Variants in IRAG1 observed in about 807,000 individuals in gnomAD.
IRAG1 encodes the protein inositol 1,4,5-triphosphate receptor associated 1, also known as IP3R-associated cGMP kinase substrate.
In IRAG1, 62 loss-of-function variants were observed where a neutral mutation model predicts 106.2. That is an observed-to-expected ratio of 0.58 (90% CI 0.48 to 0.72). The LOEUF is 0.72. Ranked by LOEUF, IRAG1 falls within the 30% of genes least tolerant of loss-of-function variation. The pLI, the probability that IRAG1 is intolerant of heterozygous loss-of-function variation, is 0.00. For synonymous variants in IRAG1, 462 were observed against 443.9 expected (o/e 1.04, Z -0.51); for missense variants, 1,064 against 1,140.7 (o/e 0.93, Z 0.97).
intron 1 of IRAG1, among the ~76,000 whole-genome samples, chr11:10,672,094 G>C (rs535940654): frequency 6.6e-6 from 1 of 152,196 alleles, no homozygotes; most frequent in Non-Finnish European, 1.5e-5. Flanking sequence ...AAGACAATTC[G>C]ATGGGGAAAG....
intron 4 of IRAG1, among the ~76,000 whole-genome samples, chr11:10,631,339 A>C (rs1207796656): frequency 6.6e-6 from 1 of 152,124 alleles, no homozygotes; most frequent in Non-Finnish European, 1.5e-5. Context: ...TTCCCCCTGG[A>C]ATGCCTTTCC....
intron 1 of IRAG1, among the ~76,000 whole-genome samples, chr11:10,668,893 G>A (rs893746200): frequency 4.6e-5 from 7 of 152,208 alleles, no homozygotes; most frequent in African/African-American, 1.7e-4. Flanking sequence ...AGTGCCAGCA[G>A]ACCTGGCTCT....
intron 2 of IRAG1, among the ~76,000 whole-genome samples, chr11:10,634,785 G>A (rs1280934423): frequency 2.1e-5 from 3 of 145,376 alleles, no homozygotes; most frequent in Non-Finnish European, 3.0e-5. Flanking sequence ...GTGTGTGTGT[G>A]TATACAGACA....
At chr11:10,627,683 A>C in intron 8 of IRAG1, 33 bp downstream of exon 8, 1 of 1,613,678 alleles carries the variant, frequency 6.2e-7, no homozygotes, top group Non-Finnish European at 8.5e-7. Flanking sequence ...CCCCACACTC[A>C]AATCATCCAA....
At chr11:10,626,889 G>A (rs1030177236) in intron 8 of IRAG1, among the ~76,000 whole-genome samples, 1 of 152,220 alleles carries the variant, frequency 6.6e-6, no homozygotes, top group African/African-American at 2.4e-5. Flanking sequence ...TAGCCTTGGT[G>A]CTGCTTAGCA....
chr11:10,617,717 C>A (rs1855537595), intron 10 of IRAG1, among the ~76,000 whole-genome samples: 1 of 152,146 alleles, frequency 6.6e-6, no homozygotes, highest in Admixed American at 6.5e-5. Context: ...CAATTCATCA[C>A]CCTCACAACC....
intron 15 of IRAG1, among the ~76,000 whole-genome samples, chr11:10,599,480 C>T (rs780435098): frequency 5.9e-5 from 9 of 152,086 alleles, no homozygotes; most frequent in Non-Finnish European, 7.4e-5. Context: ...GGTTAGAGGC[C>T]TAGGTGCATG....
chr11:10,691,306 G>A (rs1274132431), intron 1 of IRAG1, among the ~76,000 whole-genome samples: 1 of 152,256 alleles, frequency 6.6e-6, no homozygotes, highest in Non-Finnish European at 1.5e-5. Context: ...AACGGGTGAG[G>A]AACGGGATAA....
At chr11:10,618,568 T>A (rs144677798) in intron 10 of IRAG1, among the ~76,000 whole-genome samples, 1 of 152,152 alleles carries the variant, frequency 6.6e-6, no homozygotes, top group African/African-American at 2.4e-5. Flanking sequence ...CACTGAGAGA[T>A]TTTACAAAGG....
chr11:10,616,531 C>CA (rs940211498), intron 10 of IRAG1, among the ~76,000 whole-genome samples: 5 of 151,606 alleles, frequency 3.3e-5, no homozygotes, highest in African/African-American at 7.3e-5. Flanking sequence ...AAACAAAAAA[C>CA]AAAAAACAAA....
chr11:10,640,667 G>A (rs535441207), intron 2 of IRAG1, among the ~76,000 whole-genome samples: 1 of 152,268 alleles, frequency 6.6e-6, no homozygotes, highest in African/African-American at 2.4e-5. Flanking sequence ...GTGCACACAC[G>A]CATCCCTGCT....
intron 15 of IRAG1, among the ~76,000 whole-genome samples, chr11:10,600,394 ATC>A (rs1853858349): frequency 6.6e-6 from 1 of 152,158 alleles, no homozygotes; most frequent in East Asian, 1.9e-4. Flanking sequence ...TTGCAAGAAC[ATC>A]TTCATGGGGT....
chr11:10,677,813 C>T (rs1304977252), intron 1 of IRAG1, among the ~76,000 whole-genome samples: 14 of 152,158 alleles, frequency 9.2e-5, no homozygotes, highest in South Asian at 8.3e-4. Context: ...CTGCCAACCA[C>T]GAATCTGCTT....
Position 10,626,449 on chromosome 11 carries a change from G to A in IRAG1, c.885C>T (p.Pro295=), listed in dbSNP as rs777614842. 3 of 1,613,684 alleles carry A rather than the reference G, an allele frequency of 1.9e-6. No homozygotes were observed. Among genetic ancestry groups the A allele is most frequent in the African/African-American group, 2.7e-5 (2 of 74,872 alleles). ...IAIEQKENFD[P]LQYPETTPKG... ...TGGGTGTGGTCTCGGGGTACTGGAGGGGATCGAAGTTTTCCTTTTGTTCTA... is the reference window on the plus strand; with the variant it reads ...TGGGTGTGGTCTCGGGGTACTGGAGAGGATCGAAGTTTTCCTTTTGTTCTA... Residue 295 remains proline (P), a synonymous_variant, in exon 9 of 21, where the codon CCC becomes CCT. Coordinates refer to ENST00000423302, the MANE Select transcript of IRAG1 (RefSeq NM_130385.4).
rs779452395 is a variant in IRAG1 at position 10,647,219 on chromosome 11, A to G, written c.225+4806T>C. Among the ~76,000 whole-genome samples the G allele has an allele frequency of 1.3e-5, 2 of 152,178 alleles. No individual in the cohort carries two copies. Among genetic ancestry groups the G allele is most frequent in the Non-Finnish European group, 2.9e-5 (2 of 68,034 alleles). On this transcript the variant is annotated intron_variant, in intron 2 of 20. Coordinates refer to ENST00000423302, the MANE Select transcript of IRAG1 (RefSeq NM_130385.4). The surrounding 1 kb of genome is among the most constrained non-coding windows in gnomAD (Gnocchi z 4.3). ...TGCTCAGTGCGGGTATGGACTAAGC[A>G]TGGGCTTTGGGGTCAGGCTGCCTGG...
intron 2 of IRAG1, among the ~76,000 whole-genome samples, chr11:10,640,743 T>G (rs1327028453): frequency 6.6e-6 from 1 of 152,120 alleles, no homozygotes; most frequent in Non-Finnish European, 1.5e-5. Context: ...TAAGACCAAA[T>G]AGCGTTGGCC....
intron 1 of IRAG1, among the ~76,000 whole-genome samples, chr11:10,672,980 C>T (rs1463055858): frequency 2.0e-5 from 3 of 152,072 alleles, no homozygotes; most frequent in Non-Finnish European, 2.9e-5. Flanking sequence ...AGAATCTATT[C>T]GGTCATAAAA....
At chr11:10,652,454 C>T (rs1858603312) in intron 1 of IRAG1, 2 of 760,630 alleles carry the variant, frequency 2.6e-6, no homozygotes, top group Non-Finnish European at 2.0e-6. Flanking sequence ...GTGCTTCGAA[C>T]TCCTCAAAGC....
chr11:10,655,303 C>T (rs1020623327), intron 1 of IRAG1, among the ~76,000 whole-genome samples: 1 of 152,008 alleles, frequency 6.6e-6, no homozygotes, highest in Admixed American at 6.6e-5. Flanking sequence ...ATGTTTTGAA[C>T]CTGGGAAGCA....
Sources: allele counts gnomAD v4.1 joint callset (sites outside exome capture counted in the v4.1 genomes callset), GRCh38; gene constraint gnomAD v4.1.1; non-coding constraint Gnocchi (gnomAD v3.1); transcripts MANE v1.5; gene names NCBI Gene and HGNC (gene_info 2026-07-23, HGNC 2026-07-21).